The following ARHGAP28 variants were observed in gnomAD, a reference collection of about 807,000 sequenced individuals.
ARHGAP28 encodes the protein rho GTPase-activating protein 28.
ARHGAP28 carries 56 observed loss-of-function variants against 90.7 expected under a neutral mutation model. The ratio of observed to expected loss-of-function variants is 0.62; its 90% CI spans 0.50 to 0.77. The LOEUF is 0.77. ARHGAP28 is among the 30% of genes least tolerant of loss of function. The pLI, the probability that ARHGAP28 is intolerant of heterozygous loss-of-function variation, is 0.00. For missense variants in ARHGAP28, 869 were observed against 900.9 expected (o/e 0.96, Z 0.45); for synonymous variants, 308 against 323.3 (o/e 0.95, Z 0.51).
intron 5 of ARHGAP28, among the ~76,000 whole-genome samples, chr18:6,865,415 T>C (rs2057030973): frequency 6.6e-6 from 1 of 152,230 alleles, no homozygotes; most frequent in African/African-American, 2.4e-5. Context: ...AGTTGGTCTC[T>C]GGGGACTCTG....
At chr18:6,833,437 T>C (rs952936644) in intron 2 of ARHGAP28, among the ~76,000 whole-genome samples, 1 of 152,006 alleles carries the variant, frequency 6.6e-6, no homozygotes, top group Non-Finnish European at 1.5e-5. Flanking sequence ...CTTTCTTCTC[T>C]CTCTCTCTTT....
At chr18:6,759,750 G>C (rs1018305436) in intron 1 of ARHGAP28, among the ~76,000 whole-genome samples, 8 of 152,092 alleles carry the variant, frequency 5.3e-5, no homozygotes, top group Non-Finnish European at 1.2e-4. Context: ...GAGAAACTAG[G>C]CTCTTATGCC....
At chr18:6,870,914 C>T (rs1351551934) in intron 7 of ARHGAP28, among the ~76,000 whole-genome samples, 182 bp downstream of exon 7, 4 of 152,242 alleles carry the variant, frequency 2.6e-5, no homozygotes, top group South Asian at 2.1e-4. Context: ...CATTCTCCTG[C>T]CTCAGCCTCC....
chr18:6,766,975 T>C (rs1353403940), intron 1 of ARHGAP28, among the ~76,000 whole-genome samples: 4 of 152,214 alleles, frequency 2.6e-5, no homozygotes, highest in Non-Finnish European at 4.4e-5. Context: ...CATATATGCT[T>C]GGGTTTGGTC....
chr18:6,909,105 GTT>G, intron 17 of ARHGAP28, 81 bp downstream of exon 17: 1 of 855,546 alleles, frequency 1.2e-6, no homozygotes, highest in African/African-American at 1.7e-5. Context: ...ATAAAGGTAT[GTT>G]TTATGAATTT....
intron 4 of ARHGAP28, among the ~76,000 whole-genome samples, chr18:6,859,474 G>A (rs1406944076): frequency 6.6e-6 from 1 of 152,104 alleles, no homozygotes; most frequent in Non-Finnish European, 1.5e-5. Context: ...CACCTTGTCG[G>A]CCACGTGACC....
chr18:6,803,414 G>A (rs1374717399), intron 1 of ARHGAP28, among the ~76,000 whole-genome samples: 1 of 152,020 alleles, frequency 6.6e-6, no homozygotes, highest in Non-Finnish European at 1.5e-5. Flanking sequence ...AATCATCCTT[G>A]TAGTCGCAGG....
At chr18:6,823,943 T>C (rs1389425365) in intron 1 of ARHGAP28, among the ~76,000 whole-genome samples, 2 of 152,058 alleles carry the variant, frequency 1.3e-5, no homozygotes, top group African/African-American at 4.8e-5. Context: ...CATACTGTTT[T>C]CCATAGAAAG....
chr18:6,738,505 CTTA>C (rs1228854150), intron 1 of ARHGAP28, among the ~76,000 whole-genome samples: 1 of 152,096 alleles, frequency 6.6e-6, no homozygotes, highest in Non-Finnish European at 1.5e-5. Context: ...AAAGAAACCA[CTTA>C]TTAGTGTATT....
At chr18:6,744,242 G>A (rs2056003440) in intron 1 of ARHGAP28, among the ~76,000 whole-genome samples, 1 of 152,106 alleles carries the variant, frequency 6.6e-6, no homozygotes, top group African/African-American at 2.4e-5. Context: ...AGGAAGAGGC[G>A]TTGCAGCATG....
At chr18:6,910,949 A>T (rs1362919780) in intron 17 of ARHGAP28, among the ~76,000 whole-genome samples, 2 of 151,412 alleles carry the variant, frequency 1.3e-5, no homozygotes, top group African/African-American at 2.4e-5. Context: ...GGTTCACGCC[A>T]TTCTCCTGCC....
At chr18:6,831,471 G>GTTTTTTTTTTTTTTTTT (rs57331018) in intron 2 of ARHGAP28, among the ~76,000 whole-genome samples, 16 of 109,300 alleles carry the variant, frequency 1.5e-4, no homozygotes, top group African/African-American at 3.1e-4. Context: ...GTATCTTGAT[G>GTTTTTTTTTTTTTTTTT]TTTTTTTTTT....
At chr18:6,863,932 G>A (rs1326393292) in intron 5 of ARHGAP28, among the ~76,000 whole-genome samples, 6 of 150,704 alleles carry the variant, frequency 4.0e-5, no homozygotes, top group Admixed American at 3.3e-4. Context: ...ACAGATGCCC[G>A]CCACCACACC....
At position 6,729,792 on chromosome 18, in the gene ARHGAP28, G is replaced by C. The variant is rs1209919279; in HGVS notation, c.-30G>C. 2.2e-6 allele frequency: 3 copies of C among 1,376,330 alleles called. No individual in the cohort carries two copies. Among genetic ancestry groups the C allele is most frequent in the African/African-American group, 1.5e-5 (1 of 66,264 alleles). The allele number at this position is 1,376,330 out of a possible 1,614,324, so 85.3% of individuals were successfully genotyped here. On this transcript the variant is annotated 5_prime_UTR_variant, in exon 1 of 18. Transcript: ENST00000383472. ...CATGCTGGTCCCGGTCTTTGTTCTG[G>C]GGCCGGCGCCGAGACATGCGCGGCT... is the stretch of plus-strand genomic sequence containing the variant.
intron 1 of ARHGAP28, among the ~76,000 whole-genome samples, chr18:6,753,945 G>C (rs973942426): frequency 3.3e-5 from 5 of 152,156 alleles, no homozygotes; most frequent in African/African-American, 1.2e-4. Context: ...ATTCTGGTCT[G>C]CACTAGCACA....
At chr18:6,780,379 G>T (rs1432616230) in intron 1 of ARHGAP28, among the ~76,000 whole-genome samples, 1 of 152,156 alleles carries the variant, frequency 6.6e-6, no homozygotes, top group Non-Finnish European at 1.5e-5. Flanking sequence ...TTTACATAGG[G>T]TTTACATTGT....
At chr18:6,733,977 A>G (rs774807910) in intron 1 of ARHGAP28, among the ~76,000 whole-genome samples, 17 of 152,180 alleles carry the variant, frequency 1.1e-4, no homozygotes, top group Non-Finnish European at 2.5e-4. Context: ...GCATTTCTAG[A>G]TCATGGGGGA....
At chr18:6,749,303 T>C (rs2056049762) in intron 1 of ARHGAP28, among the ~76,000 whole-genome samples, 1 of 152,180 alleles carries the variant, frequency 6.6e-6, no homozygotes, top group East Asian at 1.9e-4. Context: ...AAAAGCCAGA[T>C]ATTACTCTCT....
intron 1 of ARHGAP28, among the ~76,000 whole-genome samples, chr18:6,783,196 C>A (rs986961047): frequency 2.0e-5 from 3 of 152,078 alleles, no homozygotes; most frequent in Admixed American, 1.3e-4. Flanking sequence ...ACTTGGGGTT[C>A]TTTTCTTCCT....
Sources: allele counts gnomAD v4.1 joint callset (sites outside exome capture counted in the v4.1 genomes callset), GRCh38; gene constraint gnomAD v4.1.1; transcripts MANE v1.5; gene names NCBI Gene and HGNC (gene_info 2026-07-23, HGNC 2026-07-21).